The following JADE2 variants were observed in gnomAD, a reference collection of about 807,000 sequenced individuals.
JADE2 encodes the protein E3 ubiquitin-protein ligase Jade-2.
In JADE2, 13 loss-of-function variants were observed where a neutral mutation model predicts 85.7. The ratio of observed to expected loss-of-function variants is 0.15; its 90% confidence interval spans 0.10 to 0.24. The LOEUF (loss-of-function observed/expected upper bound fraction) is 0.24, where lower values mean the gene tolerates loss of function less well. Among genes scored for constraint, JADE2 ranks in the 10% least tolerant of loss-of-function variants. JADE2 has a pLI of 1.00. For missense variants in JADE2, 846 were observed against 1,115.9 expected, an observed-to-expected ratio of 0.76 and a Z score of 3.45; for synonymous variants, 440 against 456.1, an observed-to-expected ratio of 0.96 and a Z score of 0.45.
At position 134,526,249 on chromosome 5, in the gene JADE2, G is replaced by A. The variant is rs1231938108; in HGVS notation, c.-1+238G>A. On this transcript the variant is annotated intron_variant, in intron 1 of 11. Transcript: ENST00000681547. ...TGTTTTAAAGAGTACAGTGCGGGGA[G>A]GCTGAGAGGGGCGCATGCAACAACA... 4.1e-6 allele frequency: 4 copies of A among 985,398 alleles called. No homozygotes were observed. The East Asian group carries it at 3.4e-4, about 84-fold the overall frequency. 61.0% of individuals were successfully genotyped at this position (985,398 alleles called of 1,614,324 possible). A position where few individuals can be genotyped will look rare whatever the true frequency, so the allele number is the denominator to read the frequency against.
intron 9 of JADE2, among the ~76,000 whole-genome samples, chr5:134,570,447 C>T (rs1044703182): frequency 6.6e-6 from 1 of 152,192 alleles, no homozygotes; most frequent in Non-Finnish European, 1.5e-5. Flanking sequence ...CTCTCATCTT[C>T]AAAAGCGAAT....
At position 134,565,826 on chromosome 5, in the gene JADE2, C is replaced by CAA. The variant is rs67913190; in HGVS notation, c.970-278_970-277dup. 2.1e-3 allele frequency among the ~76,000 whole-genome samples: 294 copies of CAA among 141,564 alleles called. 2 individuals carry two copies. The highest frequency in any genetic ancestry group is 4.2e-3 in the South Asian group (19 of 4,502). 92.9% of individuals were successfully genotyped at this position (141,564 alleles called of 152,430 possible). On this transcript the variant is annotated intron_variant, in intron 8 of 11. Transcript: ENST00000681547. ...CTAGCAACAGAGTGAGACTCTGTCT[C>CAA]AAAAAAAAAAAAATGCAGCTTGTCC...
chr5:134,537,989 G>T lies in JADE2; in HGVS notation c.59G>T (p.Ser20Ile). Residue 20 changes from serine to isoleucine, a missense_variant and splice_region_variant, in exon 3 of 12, where the codon AGT (serine) becomes ATT (isoleucine). Physicochemically the swap from Ser to Ile is moderately radical, Grantham distance 142. Transcript: ENST00000681547. ...CTAATGGACTGTTCTCTCTCTGCAG[G>T]TCATGCGACATCTACATCCGCATCA... ...ISSDNSDTTD[S>I]HATSTSASRC... The T allele has an allele frequency of 6.2e-7, 1 of 1,613,428 alleles. No individual in the cohort carries two copies. The highest frequency in any genetic ancestry group is 8.5e-7 in the Non-Finnish European group (1 of 1,179,448).
At chr5:134,532,678 C>T (rs1169142463) in intron 1 of JADE2, among the ~76,000 whole-genome samples, 1 of 152,104 alleles carries the variant, frequency 6.6e-6, no homozygotes, top group Admixed American at 6.5e-5. Flanking sequence ...AGGCCAAGAT[C>T]ACATCTAAGC....
At chr5:134,565,773 C>T (rs925161232) in intron 8 of JADE2, among the ~76,000 whole-genome samples, 5 of 149,642 alleles carry the variant, frequency 3.3e-5, no homozygotes, top group African/African-American at 1.2e-4. Context: ...GCGGAGGTTG[C>T]GGTGAGATGG....
chr5:134,534,918 A>G (rs1236611194), intron 1 of JADE2, among the ~76,000 whole-genome samples: 1 of 152,220 alleles, frequency 6.6e-6, no homozygotes, highest in East Asian at 1.9e-4. Flanking sequence ...CGTGAGGATT[A>G]TAGGAAACAG....
At chr5:134,541,978 C>T (rs1561732938) in intron 3 of JADE2, among the ~76,000 whole-genome samples, 2 of 152,258 alleles carry the variant, frequency 1.3e-5, no homozygotes. Flanking sequence ...TTCCCTCAGC[C>T]AGAGTGAAGG....
intron 2 of JADE2, 24 bp from the exon 3 acceptor site, chr5:134,537,965 T>C: frequency 1.3e-6 from 2 of 1,597,106 alleles, no homozygotes; most frequent in Non-Finnish European, 1.7e-6. Flanking sequence ...CCAGGACCCC[T>C]AATGGACTGT....
intron 10 of JADE2, among the ~76,000 whole-genome samples, chr5:134,575,927 A>G (rs957178592): frequency 2.0e-5 from 3 of 152,170 alleles, no homozygotes; most frequent in African/African-American, 4.8e-5. Flanking sequence ...GTGGCCAGGC[A>G]CAGTGGCTCG....
chr5:134,542,771 T>G (rs1457262302), intron 3 of JADE2, among the ~76,000 whole-genome samples: 1 of 151,490 alleles, frequency 6.6e-6, no homozygotes, highest in African/African-American at 2.4e-5. Context: ...CTCACTTGGT[T>G]CCCCAGGCTG....
At chr5:134,545,413 T>TC (rs1044050895) in intron 3 of JADE2, among the ~76,000 whole-genome samples, 1 of 151,700 alleles carries the variant, frequency 6.6e-6, no homozygotes, top group Non-Finnish European at 1.5e-5. Flanking sequence ...GAGTGGGGTT[T>TC]TTTTTTTTTT....
At position 134,576,927 on chromosome 5, in the gene JADE2, C is replaced by G. The variant is rs190938242; in HGVS notation, c.1681+31C>G. 8 of 1,510,706 alleles carry G rather than the reference C, an allele frequency of 5.3e-6. No homozygotes were observed. In the East Asian group the frequency reaches 1.7e-4, roughly 33 times the overall value. 93.6% of individuals were successfully genotyped at this position (1,510,706 alleles called of 1,614,324 possible). ...TGAGGGCCATGCTGGCCTGCAGACA[C>G]GGCAGGCTTGACCATCACCACGCTT... is the stretch of plus-strand genomic sequence containing the variant. On this transcript the variant is annotated intron_variant, in intron 11 of 11. Coordinates refer to ENST00000681547, the MANE Select transcript of JADE2 (RefSeq NM_001388185.1).
intron 4 of JADE2, 83 bp from the exon 5 acceptor site, chr5:134,559,747 G>A (rs1763210186): frequency 7.1e-7 from 1 of 1,414,474 alleles, no homozygotes; most frequent in Non-Finnish European, 9.5e-7. Context: ...CAGCTCCTGA[G>A]CTGGACTGGT....
At chr5:134,559,512 T>A (rs896812548) in intron 4 of JADE2, among the ~76,000 whole-genome samples, 1 of 152,118 alleles carries the variant, frequency 6.6e-6, no homozygotes, top group African/African-American at 2.4e-5. Flanking sequence ...TGGCAGGAAG[T>A]GGGATGAGCT....
chr5:134,575,749 G>A (rs1764323213), intron 10 of JADE2: 1 of 150,236 alleles, frequency 6.7e-6, no homozygotes, highest in African/African-American at 2.5e-5. Flanking sequence ...ACAAAAATTA[G>A]CTGAGCATGG....
chr5:134,554,733 C>T (rs1466682369), intron 4 of JADE2, among the ~76,000 whole-genome samples: 5 of 152,096 alleles, frequency 3.3e-5, no homozygotes, highest in East Asian at 3.9e-4. Context: ...GACATCTCCA[C>T]GCCTCTTCTG....
rs913515729 is a variant in JADE2, at chr5:134,525,808, C to G, written c.-204C>G. ...CGGCACCGGCTTAGGTCCTGCGGGC[C>G]GACCGTCCCCGGCGGGGGGCGTGGG... is the stretch of plus-strand genomic sequence containing the variant. On this transcript the variant is annotated 5_prime_UTR_variant, in exon 1 of 12. Coordinates refer to ENST00000681547, the MANE Select transcript of JADE2 (RefSeq NM_001388185.1). 2.0e-5 allele frequency: 20 copies of G among 1,016,218 alleles called. No homozygotes were observed. Among genetic ancestry groups the G allele is most frequent in the Middle Eastern group, 2.7e-4 (1 of 3,648 alleles). 63.0% of individuals were successfully genotyped at this position (1,016,218 alleles called of 1,614,324 possible). A position where few individuals can be genotyped will look rare whatever the true frequency, so the allele number is the denominator to read the frequency against.
chr5:134,547,630 G>A (rs1762371635), intron 3 of JADE2, among the ~76,000 whole-genome samples: 1 of 152,188 alleles, frequency 6.6e-6, no homozygotes, highest in Admixed American at 6.5e-5. Context: ...ATGATGTTTA[G>A]GTTACAATTG....
intron 3 of JADE2, among the ~76,000 whole-genome samples, chr5:134,549,123 G>A (rs1413822071): frequency 6.6e-6 from 1 of 152,194 alleles, no homozygotes; most frequent in Admixed American, 6.5e-5. Context: ...GAGTGTAAGT[G>A]CTGGAAAGAA....
Sources: gnomAD v4.1 joint callset for allele counts (sites outside exome capture counted in the v4.1 genomes callset) on GRCh38, gnomAD v4.1.1 for gene constraint, MANE v1.5 for transcripts, NCBI Gene and HGNC (gene_info 2026-07-23, HGNC 2026-07-21) for gene names.